Variants in TSHZ3 observed in about 807,000 individuals in gnomAD.
TSHZ3 encodes the protein teashirt homolog 3.
In TSHZ3, 10 loss-of-function variants were observed where a neutral mutation model predicts 64.5. The observed-to-expected ratio is 0.16, with a 90% CI of 0.10 to 0.26. The LOEUF (loss-of-function observed/expected upper bound fraction) is 0.26. Ranked by LOEUF, TSHZ3 falls within the 10% of genes least tolerant of loss-of-function variation. The probability of loss-of-function intolerance (pLI) is 1.00; values close to 1 mark genes in which losing one functional copy is unlikely to be tolerated. For missense variants in TSHZ3, 1,242 were observed against 1,421.7 expected (o/e 0.87, Z 2.03); for synonymous variants, 608 against 593.1 (o/e 1.03, Z -0.36).
intron 4 of TSHZ3, among the ~76,000 whole-genome samples, chr19:31,227,244 T>C (rs1027733657): frequency 1.3e-5 from 2 of 151,680 alleles, no homozygotes; most frequent in Middle Eastern, 3.2e-3. Context: ...CCTCCCAGAG[T>C]GCTGGGATTA....
At chr19:31,289,659 G>A (rs1050568555) in intron 1 of TSHZ3, among the ~76,000 whole-genome samples, 28 of 152,242 alleles carry the variant, frequency 1.8e-4, no homozygotes, top group East Asian at 1.9e-4. Context: ...GGTGGGGTTC[G>A]GAGCCAGATG....
intron 1 of TSHZ3, among the ~76,000 whole-genome samples, chr19:31,247,672 G>A (rs773015822): frequency 1.3e-5 from 2 of 152,102 alleles, no homozygotes; most frequent in East Asian, 1.9e-4. Flanking sequence ...TGTAGATGAC[G>A]GGTTATCCTA....
intron 1 of TSHZ3, among the ~76,000 whole-genome samples, chr19:31,305,290 T>C (rs1431856248): frequency 6.6e-6 from 1 of 150,906 alleles, no homozygotes; most frequent in Non-Finnish European, 1.5e-5. Flanking sequence ...ATTTGAAATG[T>C]GTGTGGTGAA....
At chr19:31,291,032 T>C (rs1442800665) in intron 1 of TSHZ3, among the ~76,000 whole-genome samples, 1 of 152,272 alleles carries the variant, frequency 6.6e-6, no homozygotes, top group Non-Finnish European at 1.5e-5. Context: ...CATTAGCTGA[T>C]TGGTGAATAA....
intron 1 of TSHZ3, among the ~76,000 whole-genome samples, chr19:31,343,246 CCAAA>C (rs1226563070): frequency 2.6e-5 from 4 of 151,996 alleles, no homozygotes; most frequent in Non-Finnish European, 1.5e-5. Context: ...ATCATTAAGC[CCAAA>C]CAAATTTAAA....
chr19:31,292,949 C>T (rs1643360573), intron 1 of TSHZ3, among the ~76,000 whole-genome samples: 1 of 147,056 alleles, frequency 6.8e-6, no homozygotes, highest in African/African-American at 2.7e-5. Context: ...AACCAAAAAC[C>T]CATCCATCCA....
chr19:31,240,299 G>A (rs1345853440), intron 3 of TSHZ3, among the ~76,000 whole-genome samples: 1 of 151,850 alleles, frequency 6.6e-6, no homozygotes, highest in Non-Finnish European at 1.5e-5. Flanking sequence ...AGAAAGTAAA[G>A]CAGACAAATT....
intron 1 of TSHZ3, among the ~76,000 whole-genome samples, chr19:31,297,663 TAGCTA>T: frequency 6.6e-6 from 1 of 152,072 alleles, no homozygotes; most frequent in Non-Finnish European, 1.5e-5. Context: ...AGTCAGGGTC[TAGCTA>T]TGTTGCCCAG....
chr19:31,167,405 T>G (rs1191412144), intron 5 of TSHZ3: 1 of 152,156 alleles, frequency 6.6e-6, no homozygotes, highest in African/African-American at 2.4e-5. Context: ...TTAAAAATGG[T>G]GTAACAGTGT....
intron 1 of TSHZ3, among the ~76,000 whole-genome samples, chr19:31,329,784 T>G (rs947904122): frequency 4.6e-5 from 7 of 152,218 alleles, no homozygotes; most frequent in Non-Finnish European, 1.5e-5. Flanking sequence ...CCTTTCTCTC[T>G]TCACTCCACA....
rs143205909 is a variant in TSHZ3, at chr19:31,178,410, G to T, written n.810-21993C>A. Among the ~76,000 whole-genome samples, 12 of 152,312 alleles carry T rather than the reference G, an allele frequency of 7.9e-5. No individual in the cohort carries two copies. In the East Asian group the frequency reaches 2.1e-3, roughly 27 times the overall value. On this transcript the variant is annotated intron_variant and non_coding_transcript_variant, in intron 5 of 6. Transcript: ENST00000651361. Reference sequence around the variant, plus strand: ...ATGTTGGCATAAAGAAGGTGCTATCGGTTGGGCATGGTGGTTCATGCCTGT... The same window carrying T: ...ATGTTGGCATAAAGAAGGTGCTATCTGTTGGGCATGGTGGTTCATGCCTGT...
At chr19:31,172,294 C>A (rs898115794) in intron 5 of TSHZ3, among the ~76,000 whole-genome samples, 2 of 152,072 alleles carry the variant, frequency 1.3e-5, no homozygotes, top group Admixed American at 6.6e-5. Flanking sequence ...AAAATGGGGG[C>A]GATAACACTG....
At chr19:31,231,409 C>T (rs566443118) in intron 3 of TSHZ3, among the ~76,000 whole-genome samples, 148 of 152,260 alleles carry the variant, frequency 9.7e-4, no homozygotes, top group Non-Finnish European at 1.8e-3. Flanking sequence ...GCCCCGATCC[C>T]GACTTCACCA....
chr19:31,311,776 T>C (rs2145155042), intron 1 of TSHZ3, among the ~76,000 whole-genome samples: 1 of 152,242 alleles, frequency 6.6e-6, no homozygotes, highest in South Asian at 2.1e-4. Context: ...CAGGCTGGAG[T>C]GCAGTGGCAC....
rs547056614 is a variant in TSHZ3 at position 31,183,961 on chromosome 19, C to T, written n.809+20995G>A. Among the ~76,000 whole-genome samples the T allele has an allele frequency of 9.2e-5, 14 of 152,182 alleles. No homozygotes were observed. The East Asian group carries it at 2.1e-3, about 23-fold the overall frequency. The stretch of plus-strand genomic sequence containing the variant: ...AAAATCTTCCAACAATGTGTCTCCC[C>T]GGCATTCCTTAACCCTATTGATAAT... On this transcript the variant is annotated intron_variant and non_coding_transcript_variant, in intron 5 of 6. Coordinates refer to the TSHZ3 transcript ENST00000651361.
intron 4 of TSHZ3, among the ~76,000 whole-genome samples, chr19:31,213,320 G>A (rs6510194): frequency 0.71 from 97,859 of 138,168 alleles, 34,242 homozygotes; most frequent in African/African-American, 0.79. Context: ...TCACACCACT[G>A]CACTCCAGCC....
intron 1 of TSHZ3, among the ~76,000 whole-genome samples, chr19:31,339,528 G>GCTTCC (rs1378291041): frequency 6.6e-6 from 1 of 152,086 alleles, no homozygotes; most frequent in East Asian, 1.9e-4. Context: ...ATGGACCTGG[G>GCTTCC]CTTCCCTCCC....
At chr19:31,157,362 T>C (rs371382415) in intron 5 of TSHZ3, among the ~76,000 whole-genome samples, 20 of 152,358 alleles carry the variant, frequency 1.3e-4, no homozygotes, top group East Asian at 5.8e-4. Flanking sequence ...CTGTGTTTGT[T>C]AATAAAGTTG....
intron 1 of TSHZ3, among the ~76,000 whole-genome samples, chr19:31,245,444 A>G (rs1171354896): frequency 6.6e-6 from 1 of 152,212 alleles, no homozygotes; most frequent in Non-Finnish European, 1.5e-5. Flanking sequence ...TGATGCTTAC[A>G]AGGTTTCAGG....
Sources: allele counts gnomAD v4.1 joint callset (sites outside exome capture counted in the v4.1 genomes callset), GRCh38; gene constraint gnomAD v4.1.1; transcripts MANE v1.5; gene names NCBI Gene and HGNC (gene_info 2026-07-23, HGNC 2026-07-21).